NCKAP5: variants seen among roughly 807,000 people sequenced by gnomAD.
NCKAP5 encodes nck-associated protein 5.
A neutral mutation model predicts 167.0 loss-of-function variants in NCKAP5; 92 were observed. The observed-to-expected ratio is 0.55, with a 90% CI of 0.47 to 0.66. The LOEUF (loss-of-function observed/expected upper bound fraction) is 0.66, where lower values mean the gene tolerates loss of function less well. Among genes scored for constraint, NCKAP5 ranks in the 30% least tolerant of loss-of-function variants. The pLI is 0.00. For missense variants in NCKAP5, 2,378 were observed against 2,315.0 expected (o/e 1.03, Z -0.56); for synonymous variants, 891 against 877.4 (o/e 1.02, Z -0.27).
chr2:133,243,885 T>C (rs2087848651), intron 4 of NCKAP5, among the ~76,000 whole-genome samples: 1 of 152,238 alleles, frequency 6.6e-6, no homozygotes, highest in Admixed American at 6.5e-5. Flanking sequence ...GTTTTTCTTT[T>C]CAGTGCCTGT....
intron 8 of NCKAP5, among the ~76,000 whole-genome samples, chr2:132,925,480 T>A (rs957444384): frequency 1.4e-5 from 2 of 144,844 alleles, no homozygotes; most frequent in Non-Finnish European, 3.0e-5. Context: ...GAGAATGGCG[T>A]GAACCTGGGA....
At chr2:133,658,497 GC>G in the NCKAP5 span, among the ~76,000 whole-genome samples, 1 of 152,068 alleles carries the variant, frequency 6.6e-6, no homozygotes. Flanking sequence ...GGAAAGATTG[GC>G]CCCCCTGCTG....
At chr2:133,563,371 C>T (rs149321161) in intron 1 of NCKAP5, among the ~76,000 whole-genome samples, 2,944 of 152,144 alleles carry the variant, frequency 0.019, 52 homozygotes, top group Non-Finnish European at 0.031. Context: ...GCTATTGAGA[C>T]CATCCTGGCC....
chr2:133,041,396 G>A (rs2079214140), intron 6 of NCKAP5, among the ~76,000 whole-genome samples: 1 of 152,128 alleles, frequency 6.6e-6, no homozygotes, highest in South Asian at 2.1e-4. Flanking sequence ...TGATGTTAAT[G>A]TCAATAGGAG....
At position 132,728,847 on chromosome 2, in the gene NCKAP5, C is replaced by A. The variant is rs760140062; in HGVS notation, c.5549G>T (p.Trp1850Leu). Residue 1850 changes from tryptophan to leucine, a missense_variant, in exon 18 of 20, where the codon TGG becomes TTG. Physicochemically the swap from Trp to Leu is moderately conservative, Grantham distance 61. Coordinates refer to ENST00000409261, the MANE Select transcript of NCKAP5 (RefSeq NM_207363.3). ...DPMASQPLPD[W>L]GSEVAATGTQ... ...CCCGGTGGCAGCAACTTCACTCCCC[C>A]AGTCTGGAAGCGGCTGGCTTGCCAT... is the stretch of plus-strand genomic sequence containing the variant. The A allele has an allele frequency of 3.7e-6, 6 of 1,613,954 alleles. No homozygotes were observed. Among genetic ancestry groups the A allele is most frequent in the East Asian group, 4.5e-5 (2 of 44,876 alleles).
chr2:133,307,015 A>T (rs888977961), intron 3 of NCKAP5, among the ~76,000 whole-genome samples: 3 of 152,194 alleles, frequency 2.0e-5, no homozygotes, highest in African/African-American at 7.2e-5. Flanking sequence ...CCTAACACAT[A>T]TCTATGAAAA....
At chr2:132,998,645 A>G (rs989775100) in intron 6 of NCKAP5, among the ~76,000 whole-genome samples, 1 of 152,174 alleles carries the variant, frequency 6.6e-6, no homozygotes. Flanking sequence ...TATTTTCCCA[A>G]AAATCAAAAA....
At chr2:133,615,476 C>G in the NCKAP5 span, among the ~76,000 whole-genome samples, 3 of 149,448 alleles carry the variant, frequency 2.0e-5, no homozygotes, top group African/African-American at 7.4e-5. Context: ...AAATGGAAAA[C>G]AAAAAAAAAG....
intron 11 of NCKAP5, among the ~76,000 whole-genome samples, chr2:132,835,067 T>A (rs775694123): frequency 9.2e-5 from 14 of 152,218 alleles, no homozygotes; most frequent in Non-Finnish European, 1.9e-4. Context: ...TCTATTGAGA[T>A]GACCATATGT....
the NCKAP5 span, among the ~76,000 whole-genome samples, chr2:133,616,242 C>T: frequency 6.9e-6 from 1 of 145,558 alleles, no homozygotes; most frequent in Admixed American, 6.9e-5. Flanking sequence ...ATTAAAAGAA[C>T]TAGAAAAGCA....
intron 5 of NCKAP5, among the ~76,000 whole-genome samples, chr2:133,140,921 G>A (rs1195452031): frequency 6.6e-6 from 1 of 151,810 alleles, no homozygotes; most frequent in African/African-American, 2.4e-5. Flanking sequence ...CCTTCAGGCA[G>A]GGATTAGGCC....
intron 3 of NCKAP5, among the ~76,000 whole-genome samples, chr2:133,467,757 G>A (rs1210220095): frequency 6.9e-6 from 1 of 145,074 alleles, no homozygotes; most frequent in Non-Finnish European, 1.5e-5. Flanking sequence ...ATGTGTCCAG[G>A]AATGTATCCA....
At chr2:132,957,808 C>A (rs1397438264) in intron 8 of NCKAP5, among the ~76,000 whole-genome samples, 1 of 152,152 alleles carries the variant, frequency 6.6e-6, no homozygotes, top group Non-Finnish European at 1.5e-5. Flanking sequence ...GGTTTTGCCC[C>A]ACACCCAGAA....
chr2:133,120,832 A>T (rs1313094961), intron 6 of NCKAP5, among the ~76,000 whole-genome samples: 3 of 152,192 alleles, frequency 2.0e-5, no homozygotes, highest in Admixed American at 2.0e-4. Flanking sequence ...CTCCCTTGGA[A>T]GCAAATTTCT....
At chr2:132,731,692 T>C in intron 17 of NCKAP5, 45 bp downstream of exon 17, 1 of 1,516,350 alleles carries the variant, frequency 6.6e-7, no homozygotes, top group Non-Finnish European at 8.8e-7. Context: ...TTCCCTTTTT[T>C]TTGTCAGCAA....
intron 1 of NCKAP5, among the ~76,000 whole-genome samples, chr2:133,567,302 G>C (rs958415363): frequency 1.3e-5 from 2 of 152,164 alleles, no homozygotes; most frequent in Non-Finnish European, 2.9e-5. Context: ...CAGAACTCCC[G>C]GGTGGCAACA....
intron 5 of NCKAP5, among the ~76,000 whole-genome samples, chr2:133,158,141 T>C (rs940428666): frequency 6.6e-5 from 10 of 152,248 alleles, no homozygotes; most frequent in African/African-American, 2.4e-4. Context: ...TAAAATATGC[T>C]GTCCTTCCTT....
intron 3 of NCKAP5, among the ~76,000 whole-genome samples, chr2:133,402,472 C>T (rs1404176963): frequency 6.6e-6 from 1 of 152,084 alleles, no homozygotes; most frequent in East Asian, 1.9e-4. Flanking sequence ...TAAGGCAAAG[C>T]TCTTTGGTAG....
intron 4 of NCKAP5, among the ~76,000 whole-genome samples, chr2:133,229,952 T>C (rs2087067263): frequency 6.7e-6 from 1 of 149,610 alleles, no homozygotes; most frequent in Non-Finnish European, 1.5e-5. Flanking sequence ...TCACACTCTC[T>C]CTGTGGGAGT....
Sources: gnomAD v4.1 joint callset for allele counts (sites outside exome capture counted in the v4.1 genomes callset) on GRCh38, gnomAD v4.1.1 for gene constraint, MANE v1.5 for transcripts, NCBI Gene and HGNC (gene_info 2026-07-23, HGNC 2026-07-21) for gene names.